PRDX5: variants seen among roughly 807,000 people sequenced by gnomAD.
PRDX5 encodes the protein peroxiredoxin 5.
Under a neutral mutation model 23.8 loss-of-function variants are expected in PRDX5, and 21 were observed. The ratio of observed to expected loss-of-function variants is 0.88; its 90% confidence interval spans 0.63 to 1.27. The LOEUF (loss-of-function observed/expected upper bound fraction) is 1.27. Among genes scored for constraint, PRDX5 ranks in the 50% most tolerant of loss-of-function variants. PRDX5 has a pLI of 0.00. For missense variants in PRDX5, 261 were observed against 270.6 expected (o/e 0.96, Z 0.25); for synonymous variants, 111 against 113.3 (o/e 0.98, Z 0.13).
intron 3 of PRDX5, 36 bp downstream of exon 3, chr11:64,320,828 T>G: frequency 5.6e-6 from 9 of 1,614,106 alleles, no homozygotes; most frequent in Non-Finnish European, 7.6e-6. Context: ...CAGGACCAGG[T>G]AGGATATTCT....
Position 64,319,778 on chromosome 11 carries a change from A to G in PRDX5, c.216A>G (p.Pro72=). The change falls in exon 2 of 6, where the codon CCA becomes CCG. Residue 72 remains proline (P), a synonymous_variant. Coordinates refer to ENST00000265462, the MANE Select transcript of PRDX5 (RefSeq NM_012094.5). ...CAGTGGAGGTGTTTGAAGGGGAGCC[A>G]GGGAACAAGGTGAACCTGGCAGAGC... The part of the protein sequence containing the change: ...IPAVEVFEGE[P]GNKVNLAELF... 1 of 1,614,138 alleles carries G rather than the reference A, an allele frequency of 6.2e-7. No homozygotes were observed. The highest frequency in any genetic ancestry group is 8.5e-7 in the Non-Finnish European group (1 of 1,179,968).
At chr11:64,321,111 G>A (rs1229391002) in intron 5 of PRDX5, 43 bp downstream of exon 5, 2 of 1,580,990 alleles carry the variant, frequency 1.3e-6, no homozygotes, top group Non-Finnish European at 1.7e-6. Flanking sequence ...CTCTGTGGGA[G>A]AGAGTCCTCT....
intron 5 of PRDX5, among the ~76,000 whole-genome samples, 173 bp downstream of exon 5, chr11:64,321,241 AGAGAGTCCTCTGTGGGG>A (rs2035491388): frequency 1.2e-5 from 1 of 80,590 alleles, no homozygotes. Flanking sequence ...TCCTCTGTGG[AGAGAGTCCTCTGTGGGG>A]GAGAGTCCTG....
rs143723178 is a variant in PRDX5, at chr11:64,318,381, A to T, written c.166A>T (p.Ile56Phe). Reference sequence around the variant, plus strand: ...CAGAGCCGCTGCAGCCATGGCCCCAATCAAGGTGACCGCTGGCCCGGCCGG... The same window carrying T: ...CAGAGCCGCTGCAGCCATGGCCCCATTCAAGGTGACCGCTGGCCCGGCCGG... ...FSRAAAAMAPIKVGDAIPAVE... is the reference protein window; with the variant it reads ...FSRAAAAMAPFKVGDAIPAVE... Residue 56 changes from isoleucine to phenylalanine, a missense_variant, in exon 1 of 6, where the codon ATC becomes TTC. Transcript: ENST00000265462. The T allele has an allele frequency of 6.2e-7, 1 of 1,606,748 alleles. No homozygotes were observed. Among genetic ancestry groups the T allele is most frequent in the Admixed American group, 1.7e-5 (1 of 59,366 alleles).
chr11:64,321,506 C>T, intron 5 of PRDX5, 80 bp from the exon 6 acceptor site: 2 of 1,562,634 alleles, frequency 1.3e-6, no homozygotes, highest in Non-Finnish European at 1.7e-6. Flanking sequence ...CTCTTGGGCC[C>T]CTGGCTGTTC....
chr11:64,318,992 C>G (rs2035412180), intron 1 of PRDX5, among the ~76,000 whole-genome samples: 1 of 151,984 alleles, frequency 6.6e-6, no homozygotes, highest in Admixed American at 6.6e-5. Flanking sequence ...CTCCCCTCCC[C>G]CCATGGCGAA....
intron 4 of PRDX5, 43 bp from the exon 5 acceptor site, chr11:64,320,964 G>A: frequency 6.2e-7 from 1 of 1,614,040 alleles, no homozygotes; most frequent in Non-Finnish European, 8.5e-7. Context: ...GGGGCCCTTA[G>A]CCTCTTCAAG....
chr11:64,318,629 CTT>C (rs1415390844), intron 1 of PRDX5, among the ~76,000 whole-genome samples: 1 of 151,914 alleles, frequency 6.6e-6, no homozygotes, highest in Non-Finnish European at 1.5e-5. Flanking sequence ...GAGACGGAGT[CTT>C]TCTGTGTCGC....
At position 64,321,680 on chromosome 11, in the gene PRDX5, T is replaced by G. The variant is rs770453917; in HGVS notation, c.634T>G (p.Ser212Ala). The G allele has an allele frequency of 6.3e-7, 1 of 1,582,156 alleles. No homozygotes were observed. Among genetic ancestry groups the G allele is most frequent in the Non-Finnish European group, 8.6e-7 (1 of 1,164,126 alleles). The change falls in exon 6 of 6, where the codon TCA (serine) becomes GCA (alanine). Residue 212 changes from serine to alanine, a missense_variant. Ser to Ala is a moderately conservative substitution (Grantham distance 99). Transcript: ENST00000265462. Reference protein sequence around the residue: ...LTCSLAPNIISQL With the variant: ...LTCSLAPNIIAQL ...CTGCAGCCTGGCACCCAATATCATC[T>G]CACAGCTCTGAGGCCCTGGGCCAGA...
In PRDX5 at chr11:64,318,307, G is replaced by A. The variant is rs1171096092; in HGVS notation, c.92G>A (p.Arg31Lys). Residue 31 changes from arginine (R) to lysine (K), a missense_variant, in exon 1 of 6, where the codon AGA becomes AAA. Coordinates refer to ENST00000265462, the MANE Select transcript of PRDX5 (RefSeq NM_012094.5). ...GGTCAGTCTGCGGCAGCGGCAGCAA[G>A]ACGGTACAGTGAAGGAGAGTGGGCG... ...AGGQSAAAAA[R>K]RYSEGEWASG... 2 of 1,612,660 alleles carry A rather than the reference G, an allele frequency of 1.2e-6. No individual in the cohort carries two copies. The highest frequency in any genetic ancestry group is 2.7e-5 in the African/African-American group (2 of 74,914).
At chr11:64,318,846 G>GCC (rs1295288059) in intron 1 of PRDX5, among the ~76,000 whole-genome samples, 2 of 71,990 alleles carry the variant, frequency 2.8e-5, no homozygotes, top group Non-Finnish European at 5.7e-5. Flanking sequence ...AACCCCCCCC[G>GCC]CCCCCCCCCG....
intron 2 of PRDX5, 150 bp from the exon 3 acceptor site, chr11:64,320,511 A>C (rs2035465828): frequency 8.2e-7 from 1 of 1,217,842 alleles, no homozygotes; most frequent in Non-Finnish European, 1.1e-6. Flanking sequence ...CCTAGTGGCC[A>C]AGGCAAAAAG....
At chr11:64,318,609 GT>G (rs926670734) in intron 1 of PRDX5, among the ~76,000 whole-genome samples, 1 of 150,850 alleles carries the variant, frequency 6.6e-6, no homozygotes, top group Non-Finnish European at 1.5e-5. Flanking sequence ...TTTGTTTTTT[GT>G]TTTTTTTTGA....
chr11:64,318,496 C>A (rs750427992), intron 1 of PRDX5, 110 bp downstream of exon 1: 3 of 1,384,516 alleles, frequency 2.2e-6, no homozygotes, highest in Non-Finnish European at 2.9e-6. Context: ...CCCCTCCCCT[C>A]CGCCCGCCCG....
At chr11:64,320,186 A>G (rs2035455098) in intron 2 of PRDX5, among the ~76,000 whole-genome samples, 1 of 152,112 alleles carries the variant, frequency 6.6e-6, no homozygotes, top group Non-Finnish European at 1.5e-5. Context: ...AGGCTGAGGC[A>G]GAGAATTGCT....
At chr11:64,319,942 G>T in intron 2 of PRDX5, 74 bp downstream of exon 2, 18 of 1,540,256 alleles carry the variant, frequency 1.2e-5, no homozygotes, top group Non-Finnish European at 1.6e-5. Context: ...ACATAGTCCT[G>T]ATAGGACTCC....
chr11:64,318,161 G>C lies in PRDX5; in HGVS notation c.-55G>C, dbSNP rs1394411961. The C allele has an allele frequency of 2.5e-6, 4 of 1,603,666 alleles. No individual in the cohort carries two copies. The highest frequency in any genetic ancestry group is 3.4e-6 in the Non-Finnish European group (4 of 1,176,226). On this transcript the variant is annotated 5_prime_UTR_variant, in exon 1 of 6. Coordinates refer to ENST00000265462, the MANE Select transcript of PRDX5 (RefSeq NM_012094.5). ...GCCGCTGTGCCGCTAGCGGTGCCCC[G>C]CCTGCTGCGGTGGCACCAGCCAGGA...
Position 64,319,820 on chromosome 11 carries a change from G to A in PRDX5, c.258G>A (p.Lys86=). The A allele has an allele frequency of 6.2e-7, 1 of 1,614,214 alleles. No individual in the cohort carries two copies. The highest frequency in any genetic ancestry group is 8.5e-7 in the Non-Finnish European group (1 of 1,180,022). ...VNLAELFKGK[K]GVLFGVPGAF... is the part of the protein sequence containing the mutation. Reference sequence around the variant, plus strand: ...TGGCAGAGCTGTTCAAGGGCAAGAAGGGTGTGCTGTTTGGAGTTCCTGGGG... The same window carrying A: ...TGGCAGAGCTGTTCAAGGGCAAGAAAGGTGTGCTGTTTGGAGTTCCTGGGG... The change falls in exon 2 of 6, where the codon AAG becomes AAA. Residue 86 remains lysine, a synonymous_variant. Coordinates refer to ENST00000265462, the MANE Select transcript of PRDX5 (RefSeq NM_012094.5).
intron 4 of PRDX5, 49 bp downstream of exon 4, chr11:64,320,952 T>C (rs1004505828): frequency 1.9e-6 from 3 of 1,613,774 alleles, no homozygotes; most frequent in African/African-American, 2.7e-5. Flanking sequence ...CGGGGAGCAG[T>C]GGGGGCCCTT....
Sources: allele counts gnomAD v4.1 joint callset (sites outside exome capture counted in the v4.1 genomes callset), GRCh38; gene constraint gnomAD v4.1.1; transcripts MANE v1.5; gene names NCBI Gene and HGNC (gene_info 2026-07-23, HGNC 2026-07-21).